Variants in MMP26 observed in about 807,000 individuals in gnomAD.
MMP26 encodes the protein matrix metalloproteinase-26.
In MMP26, 33 loss-of-function variants were observed where a neutral mutation model predicts 31.0. The observed-to-expected ratio is 1.06, with a 90% CI of 0.81 to 1.42. The LOEUF is 1.42. MMP26 is among the 40% of genes most tolerant of loss of function. The pLI, the probability that MMP26 is intolerant of heterozygous loss-of-function variation, is 0.00. For synonymous variants in MMP26, 122 were observed against 114.9 expected (o/e 1.06, Z -0.40); for missense variants, 347 against 316.1 (o/e 1.10, Z -0.74).
intron 2 of MMP26, among the ~76,000 whole-genome samples, chr11:4,890,918 A>G (rs1850609223): frequency 6.6e-6 from 1 of 150,874 alleles, no homozygotes; most frequent in Admixed American, 6.6e-5. Flanking sequence ...CATTTCAATG[A>G]CAAATTGTAT....
chr11:4,881,614 T>C (rs764420584), intron 2 of MMP26, among the ~76,000 whole-genome samples: 6 of 152,048 alleles, frequency 3.9e-5, no homozygotes, highest in Admixed American at 6.6e-5. Context: ...CATTCAGCTA[T>C]CCAAATTGTC....
intron 1 of MMP26, among the ~76,000 whole-genome samples, chr11:4,733,296 T>C (rs1848197575): frequency 6.6e-6 from 1 of 152,254 alleles, no homozygotes; most frequent in East Asian, 1.9e-4. Context: ...TATGACATGT[T>C]GTTCCATTTA....
intron 2 of MMP26, among the ~76,000 whole-genome samples, chr11:4,978,037 T>C (rs558273041): frequency 6.6e-6 from 1 of 152,044 alleles, no homozygotes; most frequent in Non-Finnish European, 1.5e-5. Flanking sequence ...GAGTGAGTTC[T>C]CATGAGATCT....
chr11:4,790,173 C>G (rs1849005457), intron 2 of MMP26, among the ~76,000 whole-genome samples: 1 of 152,004 alleles, frequency 6.6e-6, no homozygotes, highest in Non-Finnish European at 1.5e-5. Context: ...AACCCCGTCT[C>G]TACTAAAAAT....
intron 2 of MMP26, among the ~76,000 whole-genome samples, chr11:4,938,729 G>T (rs921757242): frequency 2.0e-5 from 3 of 152,072 alleles, no homozygotes; most frequent in Non-Finnish European, 4.4e-5. Context: ...TCTGGATTAG[G>T]AGGGAAATTC....
At chr11:4,853,371 T>C (rs753825360) in intron 2 of MMP26, among the ~76,000 whole-genome samples, 1 of 152,084 alleles carries the variant, frequency 6.6e-6, no homozygotes, top group Non-Finnish European at 1.5e-5. Context: ...AAAATGTCAA[T>C]TATACTTTAA....
At chr11:4,916,665 T>G (rs190746750) in intron 2 of MMP26, among the ~76,000 whole-genome samples, 1 of 152,314 alleles carries the variant, frequency 6.6e-6, no homozygotes, top group Non-Finnish European at 1.5e-5. Flanking sequence ...AGCTCATAAA[T>G]GCTGCTCAGC....
chr11:4,935,225 A>G (rs890175265), intron 2 of MMP26, among the ~76,000 whole-genome samples: 2 of 151,474 alleles, frequency 1.3e-5, no homozygotes, highest in African/African-American at 2.4e-5. Context: ...ATGTTCTTCC[A>G]TTTGTTTGTA....
At chr11:4,793,904 T>G (rs1345829726) in intron 2 of MMP26, 1 of 152,020 alleles carries the variant, frequency 6.6e-6, no homozygotes, top group African/African-American at 2.4e-5. Context: ...TCACTGTGAG[T>G]GTATGGTAGC....
chr11:4,942,892 C>T (rs1465287228), intron 2 of MMP26: 1 of 152,150 alleles, frequency 6.6e-6, no homozygotes, highest in Non-Finnish European at 1.5e-5. Context: ...GTTGATTGTA[C>T]ACAATTCAAT....
chr11:4,764,125 T>C (rs375342523), intron 1 of MMP26, among the ~76,000 whole-genome samples: 1 of 152,074 alleles, frequency 6.6e-6, no homozygotes, highest in East Asian at 1.9e-4. Context: ...ATGTGGCAGG[T>C]TAATAAATTT....
chr11:4,779,262 A>G (rs1231936979), intron 2 of MMP26, among the ~76,000 whole-genome samples: 1 of 152,030 alleles, frequency 6.6e-6, no homozygotes, highest in Non-Finnish European at 1.5e-5. Context: ...TGGTTTACTA[A>G]GTTACCATGA....
chr11:4,849,336 A>T (rs765008258), intron 2 of MMP26: 10 of 851,976 alleles, frequency 1.2e-5, no homozygotes, highest in South Asian at 1.7e-5. Flanking sequence ...TCATGCACTC[A>T]CATACACGTA....
intron 1 of MMP26, chr11:4,712,442 A>G (rs1847873898): frequency 6.6e-6 from 1 of 152,196 alleles, no homozygotes; most frequent in African/African-American, 2.4e-5. Context: ...ACTTGACTTA[A>G]TAAGAAAAAT....
At chr11:4,986,386 T>C (rs1846887678) in intron 2 of MMP26, among the ~76,000 whole-genome samples, 1 of 151,962 alleles carries the variant, frequency 6.6e-6, no homozygotes, top group African/African-American at 2.4e-5. Flanking sequence ...CTCACTCTGT[T>C]GTCAAGGCTA....
chr11:4,913,884 G>A (rs1387741695), intron 2 of MMP26: 1 of 152,078 alleles, frequency 6.6e-6, no homozygotes, highest in Admixed American at 6.6e-5. Context: ...GGCTATTACT[G>A]TGTCAACTCA....
At position 4,727,045 on chromosome 11, in the gene MMP26, C is replaced by A. The variant is rs61883466; in HGVS notation, c.-217+22000C>A. Among the ~76,000 whole-genome samples, 39 of 151,848 alleles carry A rather than the reference C, an allele frequency of 2.6e-4. No individual in the cohort carries two copies. In the South Asian group the frequency reaches 7.3e-3, roughly 28 times the overall value. On this transcript the variant is annotated intron_variant, in intron 1 of 7. Transcript: ENST00000380390. The stretch of plus-strand genomic sequence containing the variant: ...CAAAACAAAACAAAAAACAAAAATC[C>A]GTAAAAAACAAGTAAGACTTTCTAT...
chr11:4,965,443 C>G (rs766125772), intron 2 of MMP26, among the ~76,000 whole-genome samples: 1 of 152,108 alleles, frequency 6.6e-6, no homozygotes, highest in Non-Finnish European at 1.5e-5. Context: ...ATTTGAGATT[C>G]CTTATGAAAA....
intron 2 of MMP26, among the ~76,000 whole-genome samples, chr11:4,820,933 CT>C (rs1489537731): frequency 6.6e-6 from 1 of 152,072 alleles, no homozygotes; most frequent in Non-Finnish European, 1.5e-5. Flanking sequence ...ATATATGGGC[CT>C]GTGTGTCCCA....
Sources: allele counts gnomAD v4.1 joint callset (sites outside exome capture counted in the v4.1 genomes callset), GRCh38; gene constraint gnomAD v4.1.1; transcripts MANE v1.5; gene names NCBI Gene and HGNC (gene_info 2026-07-23, HGNC 2026-07-21).